ANK2: variants seen among roughly 807,000 people sequenced by gnomAD.
ANK2 encodes the protein ankyrin 2, also known as ankyrin-2.
Under a neutral mutation model 360.5 loss-of-function variants are expected in ANK2, and 83 were observed. The observed-to-expected ratio is 0.23, with a 90% CI of 0.19 to 0.28. ANK2 has a LOEUF of 0.28. Ranked by LOEUF, ANK2 falls within the 10% of genes least tolerant of loss-of-function variation. The pLI is 1.00. For missense variants in ANK2, 4,201 were observed against 4,795.7 expected, an observed-to-expected ratio of 0.88 and a Z score of 3.66; for synonymous variants, 1,740 against 1,759.5, an observed-to-expected ratio of 0.99 and a Z score of 0.28.
intron 1 of ANK2, chr4:113,145,605 G>C: frequency 9.3e-7 from 1 of 1,076,552 alleles, no homozygotes; most frequent in Non-Finnish European, 1.1e-6. Flanking sequence ...AGCTGGCCTG[G>C]TAGGTGTAAA....
At chr4:112,850,864 CTCT>C (rs1237079586) in intron 1 of ANK2, among the ~76,000 whole-genome samples, 3 of 152,012 alleles carry the variant, frequency 2.0e-5, no homozygotes, top group African/African-American at 4.8e-5. Flanking sequence ...GCTTTAGTGA[CTCT>C]TCTTTGATCA....
In ANK2 at chr4:113,365,201, A is replaced by ATGTATGTG. The variant is rs1554582224; in HGVS notation, c.11032+22_11032+23insATGTGTGT. ...AGTGAAGGTCAAACTGTGTGTGTGT[A>ATGTATGTG]TGTGTGTGTGTGTGTGTGTGTGTGT... On this transcript the variant is annotated intron_variant, in intron 41 of 45. Coordinates refer to ENST00000357077, the MANE Select transcript of ANK2 (RefSeq NM_001148.6). The ATGTATGTG allele has an allele frequency of 4.2e-6, 6 of 1,421,188 alleles. No individual in the cohort carries two copies. Among genetic ancestry groups the ATGTATGTG allele is most frequent in the Non-Finnish European group, 5.9e-6 (6 of 1,021,584 alleles). The allele number at this position is 1,421,188 out of a possible 1,614,324, so 88.0% of individuals were successfully genotyped here.
At chr4:112,966,553 C>T (rs551958885) in intron 2 of ANK2, among the ~76,000 whole-genome samples, 3 of 152,032 alleles carry the variant, frequency 2.0e-5, no homozygotes, top group South Asian at 4.2e-4. Flanking sequence ...AGTTTCTTCA[C>T]GTTTGTAACT....
intron 2 of ANK2, among the ~76,000 whole-genome samples, chr4:112,930,951 C>T (rs2093156749): frequency 1.3e-5 from 2 of 151,326 alleles, no homozygotes; most frequent in Admixed American, 1.3e-4. Flanking sequence ...CAAGCAGAGC[C>T]TCAAGACATT....
the ANK2 span, chr4:112,797,012 T>C: frequency 5.8e-6 from 1 of 173,268 alleles, no homozygotes; most frequent in Non-Finnish European, 1.3e-5. Flanking sequence ...AAATTCTGAG[T>C]TTGCCCAACT....
intron 33 of ANK2, 121 bp downstream of exon 33, chr4:113,342,037 T>C: frequency 9.0e-7 from 1 of 1,107,694 alleles, no homozygotes; most frequent in Non-Finnish European, 1.3e-6. Flanking sequence ...AAGTTCGCAT[T>C]TTGGTCAGTT....
At chr4:112,720,210 T>C in the ANK2 span, among the ~76,000 whole-genome samples, 8 of 152,320 alleles carry the variant, frequency 5.3e-5, no homozygotes, top group East Asian at 1.3e-3. Context: ...GTAGCTTCTA[T>C]TACTACCATA....
At chr4:113,272,606 A>G (rs1009541853) in intron 14 of ANK2, among the ~76,000 whole-genome samples, 1 of 152,178 alleles carries the variant, frequency 6.6e-6, no homozygotes, top group Non-Finnish European at 1.5e-5. Context: ...AGTAGGCAAG[A>G]CATCCTATTT....
At chr4:113,029,419 A>T (rs1017301834) in intron 2 of ANK2, among the ~76,000 whole-genome samples, 4 of 151,806 alleles carry the variant, frequency 2.6e-5, no homozygotes, top group Admixed American at 6.6e-5. Flanking sequence ...TTATTTATTT[A>T]TTTTTTGTAG....
At chr4:113,348,347 A>G in intron 36 of ANK2, 39 bp downstream of exon 36, 1 of 1,603,176 alleles carries the variant, frequency 6.2e-7, no homozygotes, top group Non-Finnish European at 8.5e-7. Flanking sequence ...CGGCTGTGTC[A>G]TTGCTGTAAC....
intron 2 of ANK2, among the ~76,000 whole-genome samples, chr4:113,024,319 C>T (rs2058788337): frequency 6.6e-6 from 1 of 152,102 alleles, no homozygotes; most frequent in African/African-American, 2.4e-5. Flanking sequence ...CAGATAGACA[C>T]AGGTGAGATA....
intron 20 of ANK2, 79 bp from the exon 21 acceptor site, chr4:113,292,337 T>C: frequency 8.1e-7 from 1 of 1,230,820 alleles, no homozygotes; most frequent in Admixed American, 2.0e-5. Flanking sequence ...TAAATAAGAC[T>C]ATTCAAAATG....
the ANK2 span, among the ~76,000 whole-genome samples, chr4:112,739,638 A>G: frequency 1.3e-5 from 2 of 152,088 alleles, no homozygotes; most frequent in Non-Finnish European, 2.9e-5. Context: ...ATCTCTGCCC[A>G]CACATGTTAT....
chr4:113,055,487 T>C (rs568931847), intron 1 of ANK2, among the ~76,000 whole-genome samples: 8 of 152,212 alleles, frequency 5.3e-5, no homozygotes, highest in Non-Finnish European at 7.3e-5. Context: ...TGAGTTATCT[T>C]AGAAAGAAGA....
Position 113,353,921 on chromosome 4 carries a change from A to G in ANK2, c.5303A>G (p.Asp1768Gly). The change falls in exon 38 of 46, where the codon GAC becomes GGC. Residue 1768 changes from aspartate to glycine, a missense_variant. This residue lies in a region of ANK2 where 2,642 missense variants were observed against 2,714.5 expected (regional missense o/e 0.97). Coordinates refer to ENST00000357077, the MANE Select transcript of ANK2 (RefSeq NM_001148.6). Reference sequence around the variant, plus strand: ...GAAACTCCCATTGGTTCCATAAAGGACAAAGTAAAGGCCCTTCAGAAGCGA... The same window carrying G: ...GAAACTCCCATTGGTTCCATAAAGGGCAAAGTAAAGGCCCTTCAGAAGCGA... ...IEETPIGSIK[D>G]KVKALQKRVE... 2 of 1,614,108 alleles carry G rather than the reference A, an allele frequency of 1.2e-6. No homozygotes were observed. The highest frequency in any genetic ancestry group is 1.7e-6 in the Non-Finnish European group (2 of 1,179,978).
the ANK2 span, among the ~76,000 whole-genome samples, chr4:112,760,802 C>T: frequency 1.3e-5 from 2 of 149,566 alleles, no homozygotes; most frequent in East Asian, 1.9e-4. Flanking sequence ...TGTATTTCTT[C>T]TTCTTCTTTT....
chr4:112,740,322 C>T, the ANK2 span, among the ~76,000 whole-genome samples: 14 of 152,202 alleles, frequency 9.2e-5, no homozygotes, highest in Non-Finnish European at 1.6e-4. Flanking sequence ...ATTGTAACCT[C>T]GAACTCCTGG....
At chr4:113,140,784 G>C (rs2096608434) in intron 1 of ANK2, among the ~76,000 whole-genome samples, 1 of 152,052 alleles carries the variant, frequency 6.6e-6, no homozygotes, top group South Asian at 2.1e-4. Context: ...TTCAAGACCA[G>C]CCTAACCAAC....
At position 113,232,236 on chromosome 4, in the gene ANK2, G is replaced by A; in HGVS notation, c.460G>A (p.Ala154Thr). 1 of 1,597,768 alleles carries A rather than the reference G, an allele frequency of 6.3e-7. No homozygotes were observed. Among genetic ancestry groups the A allele is most frequent in the Non-Finnish European group, 8.6e-7 (1 of 1,165,354 alleles). Residue 154 changes from alanine (A) to threonine (T), a missense_variant, in exon 5 of 46, where the codon GCT (alanine) becomes ACT (threonine). Transcript: ENST00000357077. ...DVVKYLLENG[A>T]NQSTATEDGF... ...TGTAAAATATTTGCTGGAAAATGGA[G>A]CTAATCAGAGCACTGCTACAGAGGT...
Sources: gnomAD v4.1 joint callset for allele counts (sites outside exome capture counted in the v4.1 genomes callset) on GRCh38, gnomAD v4.1.1 for gene constraint, gnomAD v4.1.1 regional missense constraint, MANE v1.5 for transcripts, NCBI Gene and HGNC (gene_info 2026-07-23, HGNC 2026-07-21) for gene names.